Variants in TM6SF2 observed in about 807,000 individuals in gnomAD.
TM6SF2 encodes the protein transmembrane 6 superfamily member 2.
TM6SF2 carries 29 observed loss-of-function variants against 41.0 expected under a neutral mutation model. The observed-to-expected ratio is 0.71, with a 90% CI of 0.53 to 0.96. The LOEUF is 0.96. Among genes scored for constraint, TM6SF2 ranks in the 50% least tolerant of loss-of-function variants. The pLI is 0.00. For synonymous variants in TM6SF2, 200 were observed against 209.1 expected (o/e 0.96, Z 0.37); for missense variants, 475 against 499.0 (o/e 0.95, Z 0.46).
intron 4 of TM6SF2, 192 bp from the exon 5 acceptor site, chr19:19,269,961 C>T (rs2061016949): frequency 6.8e-7 from 1 of 1,480,676 alleles, no homozygotes; most frequent in Non-Finnish European, 9.0e-7. Flanking sequence ...AAGTGGCTGC[C>T]CAGGCACAGG....
chr19:19,271,155 C>T, intron 1 of TM6SF2, 30 bp from the exon 2 acceptor site: 1 of 1,575,806 alleles, frequency 6.3e-7, no homozygotes, highest in Non-Finnish European at 8.7e-7. Context: ...GTCAGGGAGG[C>T]CAGGCCCAGT....
intron 4 of TM6SF2, 143 bp downstream of exon 4, chr19:19,270,027 TCTC>T (rs1347045309): frequency 6.6e-7 from 1 of 1,519,782 alleles, no homozygotes; most frequent in Admixed American, 2.0e-5. Context: ...CCTGGAACCT[TCTC>T]CTGGCCACCC....
In TM6SF2 at chr19:19,270,172, C is replaced by T; in HGVS notation, c.401+1G>A. ...GGCCACCCTCTCCCTGCCTCCTGCACCTTCTGCAGATGGCGCCGGCCATGG... is the reference window on the plus strand; with the variant it reads ...GGCCACCCTCTCCCTGCCTCCTGCATCTTCTGCAGATGGCGCCGGCCATGG... On this transcript the variant is annotated splice_donor_variant, in intron 4 of 9. Coordinates refer to ENST00000389363, the MANE Select transcript of TM6SF2 (RefSeq NM_001001524.3). LOFTEE classifies it high-confidence loss of function. The T allele has an allele frequency of 6.2e-7, 1 of 1,613,868 alleles. No individual in the cohort carries two copies. The highest frequency in any genetic ancestry group is 1.1e-5 in the South Asian group (1 of 91,008).
intron 5 of TM6SF2, among the ~76,000 whole-genome samples, chr19:19,269,243 C>T (rs537127422): frequency 6.6e-6 from 1 of 152,284 alleles, no homozygotes; most frequent in African/African-American, 2.4e-5. Flanking sequence ...CTCAATTTAC[C>T]TTCTGAATAT....
intron 2 of TM6SF2, among the ~76,000 whole-genome samples, 185 bp downstream of exon 2, chr19:19,270,836 AG>A (rs2061021119): frequency 6.6e-6 from 1 of 152,186 alleles, no homozygotes; most frequent in African/African-American, 2.4e-5. Flanking sequence ...CCAGCTCTGA[AG>A]GGGGAGGCTC....
Position 19,264,697 on chromosome 19 carries a change from G to A in TM6SF2, c.1101C>T (p.Ser367=), listed in dbSNP as rs374568040. ...GCTTCTTGTGGAGGGCTAGGGGGTCGGAGGGTGGTGGCTGGTGGAAGAATG... is the reference window on the plus strand; with the variant it reads ...GCTTCTTGTGGAGGGCTAGGGGGTCAGAGGGTGGTGGCTGGTGGAAGAATG... ...WPAFFHQPPP[S]DPLALHKKQH The change falls in exon 10 of 10, where the codon TCC becomes TCT. Residue 367 remains serine (S), a synonymous_variant. Transcript: ENST00000389363. 588 of 1,575,792 alleles carry A rather than the reference G, an allele frequency of 3.7e-4. 2 individuals are homozygous for A. In the African/African-American group the frequency reaches 7.2e-3, roughly 19 times the overall value.
chr19:19,269,919 A>G (rs1163000724), intron 4 of TM6SF2, 150 bp from the exon 5 acceptor site: 4 of 1,519,066 alleles, frequency 2.6e-6, no homozygotes, highest in Non-Finnish European at 3.5e-6. Flanking sequence ...TTGAACGGGG[A>G]AATAACAGTG....
intron 9 of TM6SF2, 136 bp downstream of exon 9, chr19:19,266,354 C>T: frequency 7.8e-7 from 1 of 1,286,310 alleles, no homozygotes; most frequent in Admixed American, 2.2e-5. Flanking sequence ...ACTAGGGAAT[C>T]CTGGGATATT....
chr19:19,267,198 G>A (rs1178901661), intron 8 of TM6SF2, among the ~76,000 whole-genome samples: 5 of 151,806 alleles, frequency 3.3e-5, no homozygotes, highest in East Asian at 3.9e-4. Flanking sequence ...GCAAAACCCC[G>A]TATCTACTAA....
intron 1 of TM6SF2, 59 bp downstream of exon 1, chr19:19,273,062 C>CCCCGCCCCCG: frequency 3.3e-6 from 1 of 301,868 alleles, no homozygotes; most frequent in South Asian, 2.8e-5. Flanking sequence ...CTCCAGTCCT[C>CCCCGCCCCCG]CCCGCCCCCG....
intron 9 of TM6SF2, 98 bp downstream of exon 9, chr19:19,266,392 C>A: frequency 6.6e-7 from 1 of 1,518,222 alleles, no homozygotes; most frequent in Non-Finnish European, 8.9e-7. Flanking sequence ...CTCTTGGGGG[C>A]TCATCATTAC....
Position 19,266,514 on chromosome 19 carries a change from C to G in TM6SF2, c.900G>C (p.Leu300Phe). Residue 300 changes from leucine to phenylalanine, a missense_variant, in exon 9 of 10, where the codon TTG becomes TTC. By Grantham distance (22) the Leu-to-Phe change is conservative. Around this residue, in one of 3 missense-constraint regions of TM6SF2, gnomAD observed 190 missense variants for 190.2 expected, o/e 1.00. Coordinates refer to ENST00000389363, the MANE Select transcript of TM6SF2 (RefSeq NM_001001524.3). The part of the protein sequence containing the change: ...PGCSWLPDWA[L>F]VFAGGIGQAQ... ...CCTGGCCGATGCCTCCAGCAAACAC[C>G]AAGGCCCAGTCTGGAAGCCAGGAGC... 6.2e-7 allele frequency: 1 copy of G among 1,614,068 alleles called. No homozygotes were observed. The highest frequency in any genetic ancestry group is 1.7e-5 in the Admixed American group (1 of 60,020).
chr19:19,265,404 A>ATCTG (rs1466888045), intron 9 of TM6SF2, among the ~76,000 whole-genome samples: 2 of 97,064 alleles, frequency 2.1e-5, no homozygotes, highest in Non-Finnish European at 4.1e-5. Flanking sequence ...CTATCTATCT[A>ATCTG]TCCATCCATC....
At chr19:19,270,967 GGGT>G in intron 2 of TM6SF2, 52 bp downstream of exon 2, 1 of 1,468,050 alleles carries the variant, frequency 6.8e-7, no homozygotes, top group Non-Finnish European at 9.6e-7. Flanking sequence ...CCAAGTCTGA[GGGT>G]GGAGGCCCTT....
At chr19:19,267,519 G>A in intron 8 of TM6SF2, 102 bp downstream of exon 8, 1 of 827,306 alleles carries the variant, frequency 1.2e-6, no homozygotes, top group Non-Finnish European at 1.9e-6. Context: ...TTCCATATGG[G>A]CTTCTGCCTG....
At chr19:19,267,570 T>A in intron 8 of TM6SF2, 51 bp downstream of exon 8, 1 of 1,395,540 alleles carries the variant, frequency 7.2e-7, no homozygotes, top group Non-Finnish European at 1.0e-6. Context: ...AGAGGCCCAG[T>A]GGACCCCTAC....
intron 5 of TM6SF2, 100 bp downstream of exon 5, chr19:19,269,587 G>T: frequency 7.0e-7 from 1 of 1,422,826 alleles, no homozygotes. Context: ...GGCCTCTGCA[G>T]ACATCAGGGA....
intron 5 of TM6SF2, 149 bp downstream of exon 5, chr19:19,269,538 C>T: frequency 1.1e-6 from 1 of 929,378 alleles, no homozygotes; most frequent in South Asian, 1.7e-5. Flanking sequence ...AAGGGGTGGG[C>T]TGCTGACTGA....
chr19:19,266,791 A>T lies in TM6SF2; in HGVS notation c.805-182T>A, dbSNP rs1290477886. 6.2e-6 allele frequency: 4 copies of T among 646,468 alleles called. No individual in the cohort carries two copies. The East Asian group carries it at 1.3e-4, about 20-fold the overall frequency. The allele number at this position is 646,468 out of a possible 1,614,324, so 40.0% of individuals were successfully genotyped here. On this transcript the variant is annotated intron_variant, in intron 8 of 9. Coordinates refer to ENST00000389363, the MANE Select transcript of TM6SF2 (RefSeq NM_001001524.3). ...GGATCCTTGCCCCCAACCCCCGAAC[A>T]CATACACCAAACCTACTAACCTTTC...
Sources: allele counts gnomAD v4.1 joint callset (sites outside exome capture counted in the v4.1 genomes callset), GRCh38; gene constraint gnomAD v4.1.1; regional missense constraint gnomAD v4.1.1; transcripts MANE v1.5; gene names NCBI Gene and HGNC (gene_info 2026-07-23, HGNC 2026-07-21).